HTR7: variants seen among roughly 807,000 people sequenced by gnomAD.
The protein encoded by HTR7 is 5-HT-7.
HTR7 carries 16 observed loss-of-function variants against 34.0 expected under a neutral mutation model. The ratio of observed to expected loss-of-function variants is 0.47; its 90% confidence interval spans 0.32 to 0.71. The LOEUF (loss-of-function observed/expected upper bound fraction) is 0.71. Among genes scored for constraint, HTR7 ranks in the 30% least tolerant of loss-of-function variants. The pLI is 0.04. For synonymous variants in HTR7, 265 were observed against 260.2 expected (o/e 1.02, Z -0.18); for missense variants, 504 against 625.5 (o/e 0.81, Z 2.07).
At chr10:90,794,828 T>C (rs959244977) in intron 1 of HTR7, among the ~76,000 whole-genome samples, 25 of 152,212 alleles carry the variant, frequency 1.6e-4, no homozygotes, top group African/African-American at 4.6e-4. Context: ...GTTATACTTT[T>C]ACACAACTGG....
intron 1 of HTR7, among the ~76,000 whole-genome samples, chr10:90,824,347 T>C (rs1197162868): frequency 6.6e-6 from 1 of 152,248 alleles, no homozygotes; most frequent in African/African-American, 2.4e-5. Context: ...AAAGAGCCTT[T>C]GAGCCCTGAA....
At chr10:90,804,757 T>A (rs1035969638) in intron 1 of HTR7, among the ~76,000 whole-genome samples, 26 of 152,366 alleles carry the variant, frequency 1.7e-4, no homozygotes, top group Admixed American at 1.1e-3. Context: ...AATTTTTTTT[T>A]AAAAGAGCTT....
intron 1 of HTR7, among the ~76,000 whole-genome samples, chr10:90,843,817 C>T (rs187282542): frequency 6.6e-6 from 1 of 152,236 alleles, no homozygotes; most frequent in East Asian, 1.9e-4. Context: ...AATCTGGTCC[C>T]AGTCTGTTTT....
chr10:90,842,118 A>G (rs1371748687), intron 1 of HTR7, among the ~76,000 whole-genome samples: 1 of 152,220 alleles, frequency 6.6e-6, no homozygotes, highest in Non-Finnish European at 1.5e-5. Flanking sequence ...TGATAGTATT[A>G]AGAGGCAGAC....
Position 90,857,440 on chromosome 10 carries a change from T to C in HTR7, c.232A>G (p.Arg78Gly), listed in dbSNP as rs1294613224. The change falls in exon 1 of 4, where the codon AGA becomes GGA. Residue 78 changes from arginine to glycine, a missense_variant. By Grantham distance (125) the Arg-to-Gly change is moderately radical (BLOSUM62 -2). This residue lies in a region of HTR7 where 139 missense variants were observed against 117.1 expected (regional missense o/e 1.19). Transcript: ENST00000336152. This position sits in a 1 kb window ranked among gnomAD's most constrained non-coding sequence, Gnocchi z 6.5. ...GAGCCGATCACAACTTTCTCGACTC[T>C]GCCGTAGTTGATCTGTTCCCCACAG... ...SGCGEQINYG[R>G]VEKVVIGSIL... is the part of the protein sequence containing the mutation. 3 of 1,613,994 alleles carry C rather than the reference T, an allele frequency of 1.9e-6. No homozygotes were observed. Among genetic ancestry groups the C allele is most frequent in the East Asian group, 4.5e-5 (2 of 44,856 alleles).
At chr10:90,830,553 G>A (rs767876521) in intron 1 of HTR7, among the ~76,000 whole-genome samples, 3 of 152,112 alleles carry the variant, frequency 2.0e-5, no homozygotes, top group Non-Finnish European at 2.9e-5. Context: ...TTGGGAGGCC[G>A]ATGTAGCAGA....
chr10:90,760,666 G>C (rs532090872), intron 1 of HTR7, among the ~76,000 whole-genome samples: 55 of 152,256 alleles, frequency 3.6e-4, no homozygotes, highest in Middle Eastern at 3.4e-3. Flanking sequence ...GATCAGCTGA[G>C]GTCAGGAGTT....
intron 1 of HTR7, among the ~76,000 whole-genome samples, chr10:90,790,218 G>C (rs1845442778): frequency 6.6e-6 from 1 of 152,110 alleles, no homozygotes; most frequent in Non-Finnish European, 1.5e-5. Flanking sequence ...GGAATAAAAA[G>C]TATTACCCAC....
At chr10:90,763,503 G>T (rs544730992) in intron 1 of HTR7, among the ~76,000 whole-genome samples, 5 of 152,162 alleles carry the variant, frequency 3.3e-5, no homozygotes, top group South Asian at 2.1e-4. Flanking sequence ...GAACATGAAG[G>T]TTTGTTACAT....
At chr10:90,767,480 C>T (rs184897326) in intron 1 of HTR7, among the ~76,000 whole-genome samples, 1 of 152,280 alleles carries the variant, frequency 6.6e-6, no homozygotes, top group Admixed American at 6.5e-5. Flanking sequence ...TCTATGCATC[C>T]TAACGGTATA....
In HTR7 at chr10:90,857,800, G is replaced by A. The variant is rs1846619503; in HGVS notation, c.-129C>T. On this transcript the variant is annotated 5_prime_UTR_variant, in exon 1 of 4. Transcript: ENST00000336152. This position sits in a 1 kb window ranked among gnomAD's most constrained non-coding sequence, Gnocchi z 6.5. Reference sequence around the variant, plus strand: ...GCCATGGGGCCCGCGCCGACCGCTGGGGGGCGCCTGGCTCTGTCTCGGAGC... The same window carrying A: ...GCCATGGGGCCCGCGCCGACCGCTGAGGGGCGCCTGGCTCTGTCTCGGAGC... 1 of 891,052 alleles carries A rather than the reference G, an allele frequency of 1.1e-6. No individual in the cohort carries two copies. Among genetic ancestry groups the A allele is most frequent in the Non-Finnish European group, 1.5e-6 (1 of 667,882 alleles). The allele number at this position is 891,052 out of a possible 1,614,324, so 55.2% of individuals were successfully genotyped here.
chr10:90,856,343 GC>G (rs1169555497), intron 1 of HTR7, among the ~76,000 whole-genome samples: 5 of 152,168 alleles, frequency 3.3e-5, no homozygotes, highest in Non-Finnish European at 7.3e-5. Context: ...CATTTCAAAA[GC>G]CTGTAACCTT....
At chr10:90,764,961 T>G (rs1455354233) in intron 1 of HTR7, among the ~76,000 whole-genome samples, 1 of 152,200 alleles carries the variant, frequency 6.6e-6, no homozygotes, top group Admixed American at 6.5e-5. Context: ...GTTGCATCTA[T>G]GTTCATCAGA....
At chr10:90,848,608 A>G (rs1179645670) in intron 1 of HTR7, among the ~76,000 whole-genome samples, 4 of 152,226 alleles carry the variant, frequency 2.6e-5, no homozygotes, top group Admixed American at 2.0e-4. Context: ...AGAATTGCAA[A>G]GTATATTTTG....
At chr10:90,743,273 C>T (rs1383136764) in intron 3 of HTR7, among the ~76,000 whole-genome samples, 1 of 152,214 alleles carries the variant, frequency 6.6e-6, no homozygotes, top group African/African-American at 2.4e-5. Context: ...CAGCCCAGCC[C>T]TTCAGATGGG....
At chr10:90,807,968 C>G (rs563233240) in intron 1 of HTR7, among the ~76,000 whole-genome samples, 1 of 152,158 alleles carries the variant, frequency 6.6e-6, no homozygotes, top group Non-Finnish European at 1.5e-5. Flanking sequence ...TCAATCTCTC[C>G]CTTCTTTCAA....
chr10:90,838,855 G>A (rs980132347), intron 1 of HTR7, among the ~76,000 whole-genome samples: 2 of 152,056 alleles, frequency 1.3e-5, no homozygotes, highest in Non-Finnish European at 2.9e-5. Flanking sequence ...CTTACACATT[G>A]CCCTATTTTA....
At position 90,857,365 on chromosome 10, in the gene HTR7, C is replaced by T; in HGVS notation, c.307G>A (p.Val103Met). Residue 103 changes from valine (V) to methionine (M), a missense_variant, in exon 1 of 4, where the codon GTG becomes ATG. By Grantham distance (21) the Val-to-Met change is conservative. This residue lies in a region of HTR7 where 154 missense variants were observed against 248.8 expected (regional missense o/e 0.62). Coordinates refer to ENST00000336152, the MANE Select transcript of HTR7 (RefSeq NM_019859.4). This position sits in a 1 kb window ranked among gnomAD's most constrained non-coding sequence, Gnocchi z 6.5. Reference protein sequence around the residue: ...LLTIAGNCLVVISVCFVKKLR... With the variant: ...LLTIAGNCLVMISVCFVKKLR... ...TTCTTGACGAAGCACACGGAGATCA[C>T]CACCAGGCAGTTGCCCGCGATCGTC... is the stretch of plus-strand genomic sequence containing the variant. 1 of 1,614,096 alleles carries T rather than the reference C, an allele frequency of 6.2e-7. No homozygotes were observed. The highest frequency in any genetic ancestry group is 8.5e-7 in the Non-Finnish European group (1 of 1,180,014).
At chr10:90,846,537 C>G (rs1175449451) in intron 1 of HTR7, among the ~76,000 whole-genome samples, 1 of 152,336 alleles carries the variant, frequency 6.6e-6, no homozygotes, top group East Asian at 1.9e-4. Flanking sequence ...CAGCATACTG[C>G]TCCTCTTTAA....
Sources: gnomAD v4.1 joint callset for allele counts (sites outside exome capture counted in the v4.1 genomes callset) on GRCh38, gnomAD v4.1.1 for gene constraint, gnomAD v4.1.1 regional missense constraint, Gnocchi (gnomAD v3.1) non-coding constraint, MANE v1.5 for transcripts, NCBI Gene and HGNC (gene_info 2026-07-23, HGNC 2026-07-21) for gene names.